Variants in SBK1 observed in about 807,000 individuals in gnomAD.
SBK1 encodes serine/threonine-protein kinase SBK1.
Under a neutral mutation model 24.4 loss-of-function variants are expected in SBK1, and 11 were observed. The observed-to-expected ratio is 0.45, with a 90% CI of 0.28 to 0.75. The LOEUF (loss-of-function observed/expected upper bound fraction) is 0.75, where lower values mean the gene tolerates loss of function less well. Ranked by LOEUF, SBK1 falls within the 30% of genes least tolerant of loss-of-function variation. The pLI, the probability that SBK1 is intolerant of heterozygous loss-of-function variation, is 0.12. For synonymous variants in SBK1, 308 were observed against 284.4 expected (o/e 1.08, Z -0.83); for missense variants, 467 against 620.5 (o/e 0.75, Z 2.63).
At chr16:28,266,250 C>T (rs1232356090) in intron 1 of SBK1, among the ~76,000 whole-genome samples, 2 of 151,742 alleles carry the variant, frequency 1.3e-5, no homozygotes, top group East Asian at 3.9e-4. Flanking sequence ...ATCGGTATTC[C>T]CAGCTCCTGG....
chr16:28,261,598 C>T (rs965067421), intron 1 of SBK1, among the ~76,000 whole-genome samples: 2 of 152,174 alleles, frequency 1.3e-5, no homozygotes, highest in African/African-American at 4.8e-5. Flanking sequence ...CCCCTGCACT[C>T]CAGCCTAGGC....
chr16:28,315,402 T>C (rs185401657), intron 1 of SBK1, among the ~76,000 whole-genome samples: 201 of 152,066 alleles, frequency 1.3e-3, no homozygotes, highest in African/African-American at 4.5e-3. Flanking sequence ...AAAAATGACA[T>C]GAGATAAGGG....
At chr16:28,284,360 C>T (rs2044552153) in intron 1 of SBK1, among the ~76,000 whole-genome samples, 2 of 152,220 alleles carry the variant, frequency 1.3e-5, no homozygotes, top group Non-Finnish European at 2.9e-5. Flanking sequence ...GGAGCCAGCT[C>T]GGAGAATCCT....
intron 1 of SBK1, among the ~76,000 whole-genome samples, chr16:28,266,561 C>T (rs879651728): frequency 2.6e-5 from 4 of 151,822 alleles, no homozygotes; most frequent in Non-Finnish European, 5.9e-5. Flanking sequence ...GTTGACAGGA[C>T]GGCTCTAGGA....
In SBK1 at chr16:28,322,745, G is replaced by C. The variant is rs928353062; in HGVS notation, c.*1824G>C. On this transcript the variant is annotated 3_prime_UTR_variant, in exon 4 of 4. Transcript: ENST00000341901. ...CTCCCTCCAAGGACCAGGTCTCAGA[G>C]AAGGCCCTGGTCACTGCCCCCGGCC... is the stretch of plus-strand genomic sequence containing the variant. 6.5e-6 allele frequency: 1 copy of C among 152,744 alleles called. No homozygotes were observed. Among genetic ancestry groups the C allele is most frequent in the Non-Finnish European group, 1.5e-5 (1 of 68,098 alleles). The allele number at this position is 152,744 out of a possible 1,614,324, so 9.5% of individuals were successfully genotyped here.
chr16:28,314,140 G>A (rs1249337397), intron 1 of SBK1, among the ~76,000 whole-genome samples: 1 of 100,006 alleles, frequency 1.0e-5, no homozygotes, highest in East Asian at 2.3e-4. Flanking sequence ...TGTTGTTGTC[G>A]TTATTATTGT....
intron 1 of SBK1, among the ~76,000 whole-genome samples, chr16:28,269,987 G>A (rs2141560905): frequency 6.6e-6 from 1 of 152,296 alleles, no homozygotes; most frequent in East Asian, 1.9e-4. Context: ...ATTGTATAGA[G>A]TATCAAGAAT....
upstream of SBK1, among the ~76,000 whole-genome samples, chr16:28,288,831 G>A (rs112747063): frequency 8.2e-3 from 1,252 of 152,222 alleles, 12 homozygotes; most frequent in Non-Finnish European, 0.014. Context: ...TCCCAGCCCC[G>A]GCCACAGCTT....
intron 1 of SBK1, among the ~76,000 whole-genome samples, chr16:28,268,728 A>G (rs145131029): frequency 0.017 from 2,534 of 151,962 alleles, 80 homozygotes; most frequent in African/African-American, 0.058. Flanking sequence ...GCACCACTGC[A>G]CTCCAGTCTG....
At chr16:28,272,619 C>CTTTTTTTTTTTTTTTTTTT (rs71140961) in intron 1 of SBK1, among the ~76,000 whole-genome samples, 2 of 105,966 alleles carry the variant, frequency 1.9e-5, no homozygotes, top group African/African-American at 3.5e-5. Context: ...TTCTTTCTTT[C>CTTTTTTTTTTTTTTTTTTT]TTTTTTTTTT....
chr16:28,293,274 C>T lies in SBK1; in HGVS notation c.-34C>T. The T allele has an allele frequency of 1.0e-6, 1 of 985,524 alleles. No individual in the cohort carries two copies. The highest frequency in any genetic ancestry group is 1.2e-6 in the Non-Finnish European group (1 of 830,022). The allele number at this position is 985,524 out of a possible 1,614,324, so 61.0% of individuals were successfully genotyped here. A position where few individuals can be genotyped will look rare whatever the true frequency, so the allele number is the denominator to read the frequency against. On this transcript the variant is annotated 5_prime_UTR_variant, in exon 1 of 4. Coordinates refer to ENST00000341901, the MANE Select transcript of SBK1 (RefSeq NM_001024401.3). ...CCGCGACGGCGCCCAGGCCCCCTGC[C>T]GCGGCGTCCCCGCGGCCCCAGCCCA... is the stretch of plus-strand genomic sequence containing the variant.
At position 28,270,986 on chromosome 16, in the gene SBK1, C is replaced by T. The variant is rs1454768415; in HGVS notation, c.257+11484C>T. On this transcript the variant is annotated intron_variant, in intron 1 of 3. Coordinates refer to the SBK1 transcript ENST00000671413. Reference sequence around the variant, plus strand: ...ACATGCCATTCTCCTGCCTCAGCCTCCCGAGTAGCTGGGACTACAGGCGCC... The same window carrying T: ...ACATGCCATTCTCCTGCCTCAGCCTTCCGAGTAGCTGGGACTACAGGCGCC... 2.6e-5 allele frequency among the ~76,000 whole-genome samples: 4 copies of T among 152,162 alleles called. No homozygotes were observed. In the East Asian group the frequency reaches 7.8e-4, roughly 30 times the overall value.
chr16:28,269,869 C>T (rs927815738), intron 1 of SBK1, among the ~76,000 whole-genome samples: 5 of 151,948 alleles, frequency 3.3e-5, no homozygotes, highest in African/African-American at 4.8e-5. Flanking sequence ...GAGCAAGACT[C>T]CGTCTCAAAC....
intron 1 of SBK1, among the ~76,000 whole-genome samples, chr16:28,270,338 G>C (rs960426074): frequency 1.5e-4 from 23 of 151,892 alleles, no homozygotes; most frequent in African/African-American, 4.8e-4. Flanking sequence ...GGAATTACAG[G>C]CGTGAGCCAC....
upstream of SBK1, among the ~76,000 whole-genome samples, chr16:28,288,628 G>T (rs558862810): frequency 6.6e-6 from 1 of 152,208 alleles, no homozygotes; most frequent in Non-Finnish European, 1.5e-5. Flanking sequence ...GATGTGACCC[G>T]ACCCTTCAGT....
intron 1 of SBK1, among the ~76,000 whole-genome samples, chr16:28,303,605 C>T (rs1469425872): frequency 7.2e-6 from 1 of 139,652 alleles, no homozygotes; most frequent in Non-Finnish European, 1.5e-5. Context: ...GCCTCGAATT[C>T]CTGAGTTCAA....
chr16:28,292,491 G>T (rs2044606845), upstream of SBK1: 2 of 968,396 alleles, frequency 2.1e-6, no homozygotes, highest in East Asian at 1.2e-4. Flanking sequence ...CGGGCCGGGC[G>T]GGCAGGTGCG....
chr16:28,281,804 C>T (rs2044534623), intron 1 of SBK1, among the ~76,000 whole-genome samples: 1 of 152,122 alleles, frequency 6.6e-6, no homozygotes, highest in Admixed American at 6.5e-5. Flanking sequence ...AACAGAGGCC[C>T]CCTGAGGGCG....
chr16:28,272,299 G>C (rs969103911), intron 1 of SBK1, among the ~76,000 whole-genome samples: 1 of 151,980 alleles, frequency 6.6e-6, no homozygotes, highest in Admixed American at 6.6e-5. Flanking sequence ...CGAACTCCTG[G>C]GCTCAAGTGG....
Sources: gnomAD v4.1 joint callset for allele counts (sites outside exome capture counted in the v4.1 genomes callset) on GRCh38, gnomAD v4.1.1 for gene constraint, MANE v1.5 for transcripts, NCBI Gene and HGNC (gene_info 2026-07-23, HGNC 2026-07-21) for gene names.